CDH8: variants seen among roughly 807,000 people sequenced by gnomAD.
CDH8 encodes cadherin 8.
Under a neutral mutation model 68.1 loss-of-function variants are expected in CDH8, and 17 were observed. The observed-to-expected ratio is 0.25, with a 90% confidence interval of 0.17 to 0.37. CDH8 has a LOEUF of 0.37. Among genes scored for constraint, CDH8 ranks in the 10% least tolerant of loss-of-function variants. The pLI, the probability that CDH8 is intolerant of heterozygous loss-of-function variation, is 1.00. For synonymous variants in CDH8, 372 were observed against 365.1 expected (o/e 1.02, Z -0.21); for missense variants, 763 against 999.3 (o/e 0.76, Z 3.19).
intron 9 of CDH8, chr16:61,726,359 C>T (rs1959366086): frequency 6.6e-6 from 1 of 150,718 alleles, no homozygotes; most frequent in Non-Finnish European, 1.5e-5. Flanking sequence ...CAGAGTATAG[C>T]AGATATTTGT....
intron 9 of CDH8, among the ~76,000 whole-genome samples, chr16:61,722,570 T>C (rs1350996525): frequency 1.3e-5 from 2 of 150,830 alleles, no homozygotes; most frequent in African/African-American, 4.8e-5. Flanking sequence ...ATGAGGAATT[T>C]TTCATCTGAA....
intron 10 of CDH8, among the ~76,000 whole-genome samples, chr16:61,681,216 T>G (rs1307606423): frequency 6.6e-6 from 1 of 151,902 alleles, no homozygotes; most frequent in African/African-American, 2.4e-5. Flanking sequence ...CATAAACACC[T>G]GCCCACAAGT....
At chr16:61,692,358 A>C (rs1444867155) in intron 10 of CDH8, 1 of 152,128 alleles carries the variant, frequency 6.6e-6, no homozygotes, top group African/African-American at 2.4e-5. Context: ...TTCTTCCTGC[A>C]GATCTAGCTG....
chr16:61,769,795 C>T (rs1468318528), intron 8 of CDH8, among the ~76,000 whole-genome samples: 1 of 151,928 alleles, frequency 6.6e-6, no homozygotes, highest in Non-Finnish European at 1.5e-5. Flanking sequence ...CATGGCCAAA[C>T]TACACTGGAT....
At chr16:61,739,761 A>AAAAC (rs1227109686) in intron 8 of CDH8, among the ~76,000 whole-genome samples, 2 of 148,998 alleles carry the variant, frequency 1.3e-5, no homozygotes, top group Non-Finnish European at 3.0e-5. Flanking sequence ...AAAGAAAAGA[A>AAAAC]AAACAAACAA....
At chr16:61,785,358 G>A (rs1395713193) in intron 8 of CDH8, among the ~76,000 whole-genome samples, 5 of 98,414 alleles carry the variant, frequency 5.1e-5, no homozygotes, top group Admixed American at 3.6e-4. Context: ...TACATTCCTC[G>A]ACACATACAC....
At chr16:61,700,361 A>G (rs757070460) in intron 10 of CDH8, among the ~76,000 whole-genome samples, 8 of 151,452 alleles carry the variant, frequency 5.3e-5, no homozygotes, top group African/African-American at 9.7e-5. Flanking sequence ...GCTCACTGCA[A>G]CTTCTGCCTC....
At chr16:61,925,794 T>A (rs572515519) in intron 2 of CDH8, among the ~76,000 whole-genome samples, 1 of 152,300 alleles carries the variant, frequency 6.6e-6, no homozygotes, top group Non-Finnish European at 1.5e-5. Flanking sequence ...ACTCCATAAA[T>A]GTTTTGACTT....
chr16:61,857,784 T>A (rs1192460976), intron 3 of CDH8, among the ~76,000 whole-genome samples: 6 of 152,096 alleles, frequency 3.9e-5, no homozygotes, highest in Admixed American at 1.3e-4. Context: ...AATCATAACC[T>A]TTTTTTCAAA....
At chr16:61,829,761 C>T (rs1962416571) in intron 4 of CDH8, among the ~76,000 whole-genome samples, 1 of 151,780 alleles carries the variant, frequency 6.6e-6, no homozygotes. Context: ...AGTTAATTGG[C>T]TTCAATTCAA....
At chr16:61,863,490 T>C (rs988793958) in intron 3 of CDH8, among the ~76,000 whole-genome samples, 3 of 152,140 alleles carry the variant, frequency 2.0e-5, no homozygotes, top group African/African-American at 7.2e-5. Context: ...TATACTTTTT[T>C]TTATGAGTAA....
chr16:61,803,515 G>A (rs1009073402), intron 7 of CDH8, among the ~76,000 whole-genome samples: 1 of 151,816 alleles, frequency 6.6e-6, no homozygotes, highest in African/African-American at 2.4e-5. Context: ...AAAAGACACA[G>A]ACTGGCAAAT....
Position 62,022,403 on chromosome 16 carries a change from C to T in CDH8, c.-199-801G>A, listed in dbSNP as rs151192604. Among the ~76,000 whole-genome samples, 890 of 152,094 alleles carry T rather than the reference C, an allele frequency of 5.9e-3. 4 individuals carry two copies. Among genetic ancestry groups the T allele is most frequent in the Middle Eastern group, 0.014 (4 of 294 alleles). ...AGGAGATTTAAATTGTGGAAATCCC[C>T]CTTGGAAATAAAATATGGTAACAAA... On this transcript the variant is annotated intron_variant, in intron 1 of 11. Coordinates refer to ENST00000577390, the MANE Select transcript of CDH8 (RefSeq NM_001796.5).
At chr16:61,753,550 A>T (rs577746817) in intron 8 of CDH8, among the ~76,000 whole-genome samples, 1 of 152,138 alleles carries the variant, frequency 6.6e-6, no homozygotes, top group Admixed American at 6.6e-5. Flanking sequence ...GATACTTGAC[A>T]TTTCTAATAG....
At chr16:61,719,287 G>A (rs1284311848) in intron 9 of CDH8, among the ~76,000 whole-genome samples, 1 of 151,072 alleles carries the variant, frequency 6.6e-6, no homozygotes. Flanking sequence ...TCAGTCCTCT[G>A]GGTAGAATTT....
intron 8 of CDH8, among the ~76,000 whole-genome samples, chr16:61,741,262 T>C (rs541386711): frequency 6.6e-6 from 1 of 152,314 alleles, no homozygotes; most frequent in East Asian, 1.9e-4. Context: ...CTAATTGATA[T>C]GCCTACACTA....
intron 3 of CDH8, among the ~76,000 whole-genome samples, chr16:61,865,653 T>C (rs1418623903): frequency 2.6e-5 from 4 of 152,226 alleles, no homozygotes; most frequent in Non-Finnish European, 4.4e-5. Flanking sequence ...GCCTGTTTTA[T>C]AGTTCCATGT....
chr16:61,886,891 T>C (rs1000581060), intron 3 of CDH8, among the ~76,000 whole-genome samples: 6 of 152,278 alleles, frequency 3.9e-5, no homozygotes, highest in Admixed American at 3.3e-4. Flanking sequence ...GCAACCTATA[T>C]AAGCTAACTG....
intron 2 of CDH8, among the ~76,000 whole-genome samples, chr16:61,949,201 C>T (rs1964848945): frequency 6.6e-6 from 1 of 152,168 alleles, no homozygotes; most frequent in African/African-American, 2.4e-5. Context: ...CAACCCCTGA[C>T]TCTTTGGAGT....
Sources: allele counts gnomAD v4.1 joint callset (sites outside exome capture counted in the v4.1 genomes callset), GRCh38; gene constraint gnomAD v4.1.1; transcripts MANE v1.5; gene names NCBI Gene and HGNC (gene_info 2026-07-23, HGNC 2026-07-21).